The following SLC4A7 variants were observed in gnomAD, a reference collection of about 807,000 sequenced individuals.
The protein encoded by SLC4A7 is sodium bicarbonate cotransporter 3.
A neutral mutation model predicts 137.6 loss-of-function variants in SLC4A7; 51 were observed. The ratio of observed to expected loss-of-function variants is 0.37; its 90% CI spans 0.30 to 0.47. The LOEUF (loss-of-function observed/expected upper bound fraction) is 0.47. SLC4A7 is among the 20% of genes least tolerant of loss of function. The pLI is 1.00. For missense variants in SLC4A7, 1,247 were observed against 1,525.4 expected, an observed-to-expected ratio of 0.82 and a Z score of 3.04; for synonymous variants, 542 against 518.6, an observed-to-expected ratio of 1.05 and a Z score of -0.61.
At chr3:27,471,519 T>C (rs764240828) in intron 1 of SLC4A7, among the ~76,000 whole-genome samples, 6 of 152,152 alleles carry the variant, frequency 3.9e-5, no homozygotes, top group Non-Finnish European at 5.9e-5. Flanking sequence ...ATCACAGGCA[T>C]GCACCACCAC....
intron 1 of SLC4A7, among the ~76,000 whole-genome samples, chr3:27,459,986 TATATACAC>T (rs1334627032): frequency 1.1e-4 from 14 of 131,382 alleles, no homozygotes; most frequent in South Asian, 2.8e-4. Context: ...TATATATATA[TATATACAC>T]ACACACACAC....
chr3:27,387,500 T>C (rs2051096137), intron 22 of SLC4A7, among the ~76,000 whole-genome samples: 1 of 152,164 alleles, frequency 6.6e-6, no homozygotes, highest in Admixed American at 6.5e-5. Flanking sequence ...TACATTCAGA[T>C]AAAACTCCAG....
chr3:27,429,846 C>T (rs1484891019), intron 7 of SLC4A7, among the ~76,000 whole-genome samples: 5 of 150,158 alleles, frequency 3.3e-5, no homozygotes, highest in African/African-American at 1.2e-4. Flanking sequence ...AAGAACCTGT[C>T]TCTCCACCCC....
At chr3:27,450,559 T>C (rs1162549092) in intron 2 of SLC4A7, among the ~76,000 whole-genome samples, 1 of 152,138 alleles carries the variant, frequency 6.6e-6, no homozygotes, top group Non-Finnish European at 1.5e-5. Context: ...ATCACTGCAC[T>C]GGGAATTACA....
chr3:27,459,065 G>A, intron 1 of SLC4A7, among the ~76,000 whole-genome samples: 1 of 151,982 alleles, frequency 6.6e-6, no homozygotes, highest in East Asian at 1.9e-4. Context: ...GGAAAATCTT[G>A]GCCCTCCCCA....
At chr3:27,399,117 T>G (rs1473766124) in intron 16 of SLC4A7, among the ~76,000 whole-genome samples, 1 of 151,962 alleles carries the variant, frequency 6.6e-6, no homozygotes, top group Non-Finnish European at 1.5e-5. Flanking sequence ...ACAAAACAAG[T>G]CAGTTGTACC....
chr3:27,471,662 G>A (rs192979043), intron 1 of SLC4A7, among the ~76,000 whole-genome samples: 172 of 152,252 alleles, frequency 1.1e-3, no homozygotes, highest in African/African-American at 3.9e-3. Context: ...GTGAGCCACC[G>A]CGCCCAGCTT....
At chr3:27,390,427 T>C (rs1166938329) in intron 21 of SLC4A7, 1 of 191,506 alleles carries the variant, frequency 5.2e-6, no homozygotes, top group African/African-American at 2.3e-5. Context: ...GTCATTTATC[T>C]CTTTGTTTTG....
At chr3:27,478,730 G>A in intron 1 of SLC4A7, among the ~76,000 whole-genome samples, 1 of 151,320 alleles carries the variant, frequency 6.6e-6, no homozygotes, top group South Asian at 2.1e-4. Context: ...GCTCCTGCTT[G>A]TAATCCCAGC....
intron 14 of SLC4A7, among the ~76,000 whole-genome samples, chr3:27,403,926 T>C (rs1008216503): frequency 5.9e-5 from 9 of 152,240 alleles, no homozygotes; most frequent in African/African-American, 2.2e-4. Flanking sequence ...CACTGCATTC[T>C]CTATTAGTCT....
At chr3:27,478,920 T>A (rs1302022747) in intron 1 of SLC4A7, among the ~76,000 whole-genome samples, 1 of 149,520 alleles carries the variant, frequency 6.7e-6, no homozygotes, top group Non-Finnish European at 1.5e-5. Flanking sequence ...CACAAGAATC[T>A]CTTGAACCCA....
intron 13 of SLC4A7, among the ~76,000 whole-genome samples, chr3:27,408,711 C>T (rs1043698120): frequency 3.9e-5 from 6 of 152,062 alleles, no homozygotes; most frequent in African/African-American, 1.4e-4. Context: ...TTACAAAGCA[C>T]CATAGCTCTG....
chr3:27,388,252 G>C (rs189800863), intron 22 of SLC4A7, among the ~76,000 whole-genome samples: 2 of 152,192 alleles, frequency 1.3e-5, no homozygotes, highest in African/African-American at 4.8e-5. Flanking sequence ...TGCTAAATTT[G>C]TTTACTTGCT....
intron 3 of SLC4A7, among the ~76,000 whole-genome samples, chr3:27,445,122 C>T (rs2057487674): frequency 1.3e-5 from 2 of 152,178 alleles, no homozygotes; most frequent in African/African-American, 2.4e-5. Flanking sequence ...TATTCCCAGC[C>T]TTGTGTGAAA....
intron 2 of SLC4A7, among the ~76,000 whole-genome samples, chr3:27,451,754 A>C (rs2058087659): frequency 6.6e-6 from 1 of 152,136 alleles, no homozygotes; most frequent in African/African-American, 2.4e-5. Context: ...GTAAACTAGT[A>C]ATTAGTCAGA....
intron 1 of SLC4A7, among the ~76,000 whole-genome samples, chr3:27,468,952 C>A (rs2059123585): frequency 6.6e-6 from 1 of 151,950 alleles, no homozygotes; most frequent in South Asian, 2.1e-4. Flanking sequence ...ACTAAAAATA[C>A]AAATATTAGC....
At chr3:27,470,655 A>C (rs2059202797) in intron 1 of SLC4A7, among the ~76,000 whole-genome samples, 1 of 151,472 alleles carries the variant, frequency 6.6e-6, no homozygotes. Context: ...AAAAAAAAAA[A>C]AAAACAGCCA....
At chr3:27,425,717 A>G (rs982046333) in intron 7 of SLC4A7, among the ~76,000 whole-genome samples, 1 of 151,098 alleles carries the variant, frequency 6.6e-6, no homozygotes, top group African/African-American at 2.4e-5. Context: ...TTTAAATTCA[A>G]GTACACTACA....
Position 27,374,970 on chromosome 3 carries a change from G to C in SLC4A7, c.*1794C>G, listed in dbSNP as rs1250655602. The C allele has an allele frequency of 1.1e-4, 16 of 152,346 alleles. No individual in the cohort carries two copies. The highest frequency in any genetic ancestry group is 1.0e-3 in the Admixed American group (16 of 15,266). 9.4% of individuals were successfully genotyped at this position (152,346 alleles called of 1,614,324 possible). ...GGTAATACTCTATCAATTGCCAATA[G>C]AGTCTAACTCTTTTTAGGCAGTACC... On this transcript the variant is annotated 3_prime_UTR_variant, in exon 26 of 26. Coordinates refer to ENST00000454389, the MANE Select transcript of SLC4A7 (RefSeq NM_001321103.2).
Sources: gnomAD v4.1 joint callset for allele counts (sites outside exome capture counted in the v4.1 genomes callset) on GRCh38, gnomAD v4.1.1 for gene constraint, MANE v1.5 for transcripts, NCBI Gene and HGNC (gene_info 2026-07-23, HGNC 2026-07-21) for gene names.